The following NRXN3 variants were observed in gnomAD, a reference collection of about 807,000 sequenced individuals.
NRXN3 encodes the protein neurexin III.
A neutral mutation model predicts 137.6 loss-of-function variants in NRXN3; 32 were observed. The observed-to-expected ratio is 0.23, with a 90% CI of 0.18 to 0.31. The LOEUF is 0.31. NRXN3 is among the 10% of genes least tolerant of loss of function. The pLI is 1.00. For missense variants in NRXN3, 1,574 were observed against 2,062.5 expected, an observed-to-expected ratio of 0.76 and a Z score of 4.59; for synonymous variants, 798 against 784.5, an observed-to-expected ratio of 1.02 and a Z score of -0.29.
chr14:79,482,536 C>A (rs1242842952), intron 16 of NRXN3, among the ~76,000 whole-genome samples: 1 of 152,164 alleles, frequency 6.6e-6, no homozygotes, highest in Non-Finnish European at 1.5e-5. Flanking sequence ...AGCATCTTCA[C>A]CCTCGATTCT....
intron 10 of NRXN3, among the ~76,000 whole-genome samples, chr14:78,955,921 A>C (rs1202371619): frequency 6.6e-6 from 1 of 152,184 alleles, no homozygotes; most frequent in Non-Finnish European, 1.5e-5. Context: ...TTTCAAAATT[A>C]CTTAGATAAA....
intron 4 of NRXN3, among the ~76,000 whole-genome samples, chr14:78,370,185 T>C (rs1240370459): frequency 6.6e-6 from 1 of 152,156 alleles, no homozygotes; most frequent in East Asian, 1.9e-4. Context: ...CCCCAGTCCA[T>C]GCTTACTCCA....
At chr14:79,034,779 G>GA (rs1349627486) in intron 15 of NRXN3, among the ~76,000 whole-genome samples, 2 of 152,058 alleles carry the variant, frequency 1.3e-5, no homozygotes, top group Non-Finnish European at 2.9e-5. Context: ...AATTGTACGT[G>GA]ATTATTAGAA....
At position 79,669,742 on chromosome 14, in the gene NRXN3, C is replaced by G. The variant is rs145033152; in HGVS notation, c.3616+5793C>G. On this transcript the variant is annotated intron_variant, in intron 17 of 20. Coordinates refer to ENST00000335750, the MANE Select transcript of NRXN3 (RefSeq NM_001330195.2). ...GTGGTCCATGGATCAGCAGCATCAGCTTCCCCTGGGAGCTTGTTAAAAATG... is the reference window on the plus strand; with the variant it reads ...GTGGTCCATGGATCAGCAGCATCAGGTTCCCCTGGGAGCTTGTTAAAAATG... Among the ~76,000 whole-genome samples, 325 of 152,182 alleles carry G rather than the reference C, an allele frequency of 2.1e-3. 1 individual carries two copies. The highest frequency in any genetic ancestry group is 7.4e-3 in the African/African-American group (308 of 41,552).
In NRXN3 at chr14:78,965,413, T is replaced by C. The variant is rs577322383; in HGVS notation, c.2396-612T>C. On this transcript the variant is annotated intron_variant, in intron 11 of 20. Transcript: ENST00000335750. ...CCAAAGTCTGTGACAGTTAGGGGGG[T>C]AAAGTACATTGAGTGGTCTAGGCTG... Among the ~76,000 whole-genome samples the C allele has an allele frequency of 4.6e-5, 7 of 152,088 alleles. 1 individual carries two copies. The South Asian group carries it at 1.5e-3, about 32-fold the overall frequency.
At chr14:79,011,969 G>T (rs967279723) in intron 15 of NRXN3, among the ~76,000 whole-genome samples, 1 of 152,178 alleles carries the variant, frequency 6.6e-6, no homozygotes, top group African/African-American at 2.4e-5. Context: ...AATGTACACT[G>T]ATTTGACTCA....
chr14:79,225,498 C>T (rs1285923648), intron 15 of NRXN3, among the ~76,000 whole-genome samples: 1 of 152,070 alleles, frequency 6.6e-6, no homozygotes, highest in African/African-American at 2.4e-5. Flanking sequence ...GTCTTAGTTT[C>T]CTATCACTGC....
intron 4 of NRXN3, among the ~76,000 whole-genome samples, chr14:78,304,571 G>T (rs1443394147): frequency 1.3e-5 from 2 of 152,136 alleles, no homozygotes. Context: ...TTTAAGTGTT[G>T]AGAGTATATT....
intron 2 of NRXN3, among the ~76,000 whole-genome samples, chr14:78,246,565 T>G (rs924265879): frequency 2.2e-4 from 33 of 152,286 alleles, no homozygotes; most frequent in African/African-American, 7.7e-4. Context: ...GAGAGGATGT[T>G]GCGGGAGGTA....
At chr14:78,976,348 A>G (rs1208862108) in intron 14 of NRXN3, among the ~76,000 whole-genome samples, 1 of 152,126 alleles carries the variant, frequency 6.6e-6, no homozygotes, top group Admixed American at 6.6e-5. Flanking sequence ...GATGGTGAAC[A>G]CGTGGTCAGG....
At chr14:79,621,386 C>G (rs552916370) in intron 16 of NRXN3, among the ~76,000 whole-genome samples, 78 of 152,236 alleles carry the variant, frequency 5.1e-4, no homozygotes, top group Non-Finnish European at 8.8e-5. Context: ...GGTATTGTTT[C>G]TACAAGAAAG....
At chr14:78,173,541 C>T (rs2058950597) in intron 1 of NRXN3, among the ~76,000 whole-genome samples, 1 of 149,816 alleles carries the variant, frequency 6.7e-6, no homozygotes. Context: ...CATCCCACCA[C>T]CAATCTCCCC....
At chr14:78,757,424 G>A (rs200265053) in intron 8 of NRXN3, among the ~76,000 whole-genome samples, 9 of 112,018 alleles carry the variant, frequency 8.0e-5, no homozygotes, top group Non-Finnish European at 1.3e-4. Context: ...AAAAAAAAAG[G>A]ATTCTGCATG....
chr14:78,869,731 A>G (rs2152562492), intron 10 of NRXN3, among the ~76,000 whole-genome samples: 1 of 152,338 alleles, frequency 6.6e-6, no homozygotes, highest in East Asian at 1.9e-4. Context: ...CCACTGGATT[A>G]GGTACATCTG....
intron 16 of NRXN3, among the ~76,000 whole-genome samples, chr14:79,484,950 A>G (rs1600994110): frequency 6.6e-6 from 1 of 152,190 alleles, no homozygotes; most frequent in African/African-American, 2.4e-5. Flanking sequence ...AATCTTTCAT[A>G]TTAAGCATAG....
chr14:78,239,531 C>T (rs1274853425), intron 1 of NRXN3, among the ~76,000 whole-genome samples: 7 of 152,092 alleles, frequency 4.6e-5, no homozygotes, highest in Admixed American at 6.5e-5. Flanking sequence ...TATCCATGTC[C>T]GGCTTCATGT....
chr14:78,692,367 A>C (rs1224624809), intron 6 of NRXN3, among the ~76,000 whole-genome samples: 3 of 152,152 alleles, frequency 2.0e-5, no homozygotes, highest in African/African-American at 7.2e-5. Context: ...GATGGTACTA[A>C]GTTTTCTATA....
At chr14:79,501,004 T>A (rs2096821156) in intron 16 of NRXN3, among the ~76,000 whole-genome samples, 1 of 152,168 alleles carries the variant, frequency 6.6e-6, no homozygotes, top group African/African-American at 2.4e-5. Flanking sequence ...ACATTTCTCA[T>A]ACTTGCCTGA....
chr14:78,984,051 T>C (rs1449858835), intron 14 of NRXN3, among the ~76,000 whole-genome samples: 3 of 151,476 alleles, frequency 2.0e-5, no homozygotes, highest in Non-Finnish European at 2.9e-5. Flanking sequence ...ATAGTGGCTA[T>C]AGGAGGCGGG....
Sources: allele counts gnomAD v4.1 joint callset (sites outside exome capture counted in the v4.1 genomes callset), GRCh38; gene constraint gnomAD v4.1.1; transcripts MANE v1.5; gene names NCBI Gene and HGNC (gene_info 2026-07-23, HGNC 2026-07-21).